CFAP47: variants seen among roughly 807,000 people sequenced by gnomAD.
CFAP47 encodes the protein cilia and flagella associated protein 47.
In CFAP47, 29 loss-of-function variants were observed where a neutral mutation model predicts 148.1. The observed-to-expected ratio is 0.20, with a 90% CI of 0.15 to 0.27. The LOEUF is 0.27. CFAP47 is among the 10% of genes least tolerant of loss of function. CFAP47 has a pLI of 1.00. For synonymous variants in CFAP47, 664 were observed against 577.3 expected, an observed-to-expected ratio of 1.15 and a Z score of -2.15; for missense variants, 1,872 against 1,697.5, an observed-to-expected ratio of 1.10 and a Z score of -1.81.
At chrX:36,263,839 C>G (rs78573097) in intron 49 of CFAP47, among the ~76,000 whole-genome samples, 1 of 111,988 alleles carries the variant, frequency 8.9e-6, no homozygotes, top group Non-Finnish European at 1.9e-5. Context: ...AGCAGCCACC[C>G]TATAGCCATC....
rs782318914 is a variant in CFAP47, at chrX:36,355,750, T to C, written c.8851+2069T>C. Reference sequence around the variant, plus strand: ...TGAACATTGGGTATAAAGTTTCCATTGTACTAAATGCATAAGTTCTAGGGA... The same window carrying C: ...TGAACATTGGGTATAAAGTTTCCATCGTACTAAATGCATAAGTTCTAGGGA... On this transcript the variant is annotated intron_variant, in intron 60 of 63. Coordinates refer to ENST00000378653, the MANE Select transcript of CFAP47 (RefSeq NM_001304548.2). 5.3e-4 allele frequency among the ~76,000 whole-genome samples: 59 copies of C among 111,728 alleles called. 1 individual carries two copies. Among genetic ancestry groups the C allele is most frequent in the African/African-American group, 1.8e-3 (56 of 30,838 alleles).
intron 25 of CFAP47, among the ~76,000 whole-genome samples, chrX:36,040,470 G>T (rs1377868506): frequency 9.0e-6 from 1 of 111,380 alleles, no homozygotes; most frequent in African/African-American, 3.3e-5. Context: ...TGTATAAATT[G>T]CACGTTACAA....
chrX:36,243,971 CAT>C (rs782429278), intron 48 of CFAP47, among the ~76,000 whole-genome samples: 26 of 110,156 alleles, frequency 2.4e-4, no homozygotes, highest in Non-Finnish European at 4.9e-4. Context: ...AGATTGACCA[CAT>C]GTTCAGTAAT....
chrX:36,111,053 G>C (rs1255162143), intron 33 of CFAP47, among the ~76,000 whole-genome samples: 1 of 111,605 alleles, frequency 9.0e-6, no homozygotes, highest in Non-Finnish European at 1.9e-5. Flanking sequence ...TCTGGAAACA[G>C]GAAAGATTTG....
chrX:36,252,108 G>T (rs1940699551), intron 49 of CFAP47, among the ~76,000 whole-genome samples: 1 of 110,799 alleles, frequency 9.0e-6, no homozygotes, highest in South Asian at 3.7e-4. Flanking sequence ...ATGGTAGTTG[G>T]ATACTGTTGA....
chrX:36,184,928 C>T (rs1323331329), intron 40 of CFAP47, among the ~76,000 whole-genome samples: 11 of 104,856 alleles, frequency 1.0e-4, no homozygotes, highest in Non-Finnish European at 1.9e-4. Context: ...AGCAAAACTT[C>T]GTCTCAGAAA....
chrX:36,061,831 G>T (rs1348336538), intron 26 of CFAP47, among the ~76,000 whole-genome samples: 1 of 111,507 alleles, frequency 9.0e-6, no homozygotes, highest in East Asian at 2.8e-4. Flanking sequence ...GGTGATGGGG[G>T]TGGTCATTGG....
intron 49 of CFAP47, among the ~76,000 whole-genome samples, chrX:36,270,270 A>G (rs1308880185): frequency 9.0e-6 from 1 of 110,524 alleles, no homozygotes; most frequent in African/African-American, 3.3e-5. Flanking sequence ...TTCTTTTCCC[A>G]TTTCTCCCAA....
chrX:35,970,733 T>C (rs768900207), intron 10 of CFAP47, 35 bp from the exon 11 acceptor site: 2 of 1,078,123 alleles, frequency 1.9e-6, no homozygotes, highest in African/African-American at 3.8e-5. Context: ...CAAATGCATA[T>C]ATAAAAATAT....
chrX:36,336,996 C>T (rs782191052), intron 57 of CFAP47, among the ~76,000 whole-genome samples: 16 of 111,905 alleles, frequency 1.4e-4, no homozygotes, highest in Non-Finnish European at 2.6e-4. Context: ...TTCCCTATTA[C>T]GTCAAATATT....
intron 49 of CFAP47, among the ~76,000 whole-genome samples, chrX:36,268,631 TTCTC>T (rs1556001399): frequency 8.9e-6 from 1 of 112,357 alleles, no homozygotes; most frequent in Non-Finnish European, 1.9e-5. Context: ...AAAATTAAAC[TTCTC>T]TCTTTCTTTG....
rs1939082758 is a variant in CFAP47, at chrX:36,138,400, A to G, written c.5471A>G (p.Tyr1824Cys). The G allele has an allele frequency of 1.7e-6, 2 of 1,171,268 alleles. No individual in the cohort carries two copies. Among genetic ancestry groups the G allele is most frequent in the Non-Finnish European group, 1.1e-6 (1 of 879,684 alleles). Residue 1824 changes from tyrosine to cysteine, a missense_variant, in exon 35 of 64, where the codon TAT (tyrosine) becomes TGT (cysteine). Tyr to Cys is a radical substitution (Grantham distance 194, BLOSUM62 -2). Transcript: ENST00000378653. ...MYTRPKSPEE[Y>C]LHNCLIIVNT... Reference sequence around the variant, plus strand: ...ACACGACCAAAAAGTCCTGAAGAGTATCTGCACAATTGCCTGATTATTGTA... The same window carrying G: ...ACACGACCAAAAAGTCCTGAAGAGTGTCTGCACAATTGCCTGATTATTGTA...
intron 45 of CFAP47, among the ~76,000 whole-genome samples, chrX:36,213,495 T>A (rs1470651339): frequency 8.1e-5 from 9 of 111,795 alleles, no homozygotes; most frequent in African/African-American, 2.9e-4. Context: ...CCTGCCCAGA[T>A]CACTTGTGTA....
chrX:36,094,936 A>T (rs1415323379), intron 30 of CFAP47, among the ~76,000 whole-genome samples: 8 of 111,131 alleles, frequency 7.2e-5, no homozygotes, highest in Non-Finnish European at 1.5e-4. Context: ...GAAAGTGGGC[A>T]TCCTTGTTGT....
Position 35,926,185 on chromosome X carries a change from G to A in CFAP47, c.401+17G>A, listed in dbSNP as rs1283089933. On this transcript the variant is annotated intron_variant, in intron 2 of 63. Coordinates refer to ENST00000378653, the MANE Select transcript of CFAP47 (RefSeq NM_001304548.2). ...TCTAATTGGGTATGTAATCTTCATA[G>A]TTCATGCTGACATTTTGAATACTCT... 8.8e-7 allele frequency: 1 copy of A among 1,139,065 alleles called. No individual in the cohort carries two copies. Among genetic ancestry groups the A allele is most frequent in the African/African-American group, 1.8e-5 (1 of 55,546 alleles). 93.9% of individuals were successfully genotyped at this position (1,139,065 alleles called of 1,213,427 possible).
At chrX:36,128,487 A>T (rs928287025) in intron 33 of CFAP47, among the ~76,000 whole-genome samples, 1 of 111,200 alleles carries the variant, frequency 9.0e-6, no homozygotes, top group African/African-American at 3.3e-5. Flanking sequence ...GGCATATAAG[A>T]TATTTTTGGT....
intron 57 of CFAP47, among the ~76,000 whole-genome samples, chrX:36,337,762 T>A (rs1941617472): frequency 9.1e-6 from 1 of 110,427 alleles, no homozygotes; most frequent in Non-Finnish European, 1.9e-5. Flanking sequence ...AAGGACTCTG[T>A]GCTCATATTG....
chrX:36,247,045 T>C (rs1555997174), intron 48 of CFAP47, among the ~76,000 whole-genome samples: 1 of 111,362 alleles, frequency 9.0e-6, no homozygotes, highest in South Asian at 3.8e-4. Context: ...CAGTGGTGGA[T>C]TGGATAGAGA....
intron 49 of CFAP47, among the ~76,000 whole-genome samples, chrX:36,253,355 G>A (rs1940714733): frequency 9.0e-6 from 1 of 111,466 alleles, no homozygotes; most frequent in African/African-American, 3.3e-5. Context: ...AAAACAGCCT[G>A]TAAAAGGGAG....
Sources: gnomAD v4.1 joint callset for allele counts (sites outside exome capture counted in the v4.1 genomes callset) on GRCh38, gnomAD v4.1.1 for gene constraint, MANE v1.5 for transcripts, NCBI Gene and HGNC (gene_info 2026-07-23, HGNC 2026-07-21) for gene names.